The following TMCO5A variants were observed in gnomAD, a reference collection of about 807,000 sequenced individuals.
TMCO5A encodes transmembrane and coiled-coil domains 5A.
Under a neutral mutation model 42.3 loss-of-function variants are expected in TMCO5A, and 34 were observed. The ratio of observed to expected loss-of-function variants is 0.80; its 90% CI spans 0.61 to 1.07. TMCO5A has a LOEUF of 1.07. Among genes scored for constraint, TMCO5A ranks in the 50% least tolerant of loss-of-function variants. TMCO5A has a pLI of 0.00. For synonymous variants in TMCO5A, 131 were observed against 115.6 expected (o/e 1.13, Z -0.86); for missense variants, 357 against 327.9 (o/e 1.09, Z -0.69).
At chr15:37,990,940 C>T in the TMCO5A span, among the ~76,000 whole-genome samples, 1 of 152,148 alleles carries the variant, frequency 6.6e-6, no homozygotes, top group East Asian at 1.9e-4. Flanking sequence ...AGTTATTGAT[C>T]ACAAATTACG....
the TMCO5A span, among the ~76,000 whole-genome samples, chr15:38,003,663 T>C: frequency 6.6e-6 from 1 of 151,898 alleles, no homozygotes; most frequent in Non-Finnish European, 1.5e-5. Context: ...GATGAGTCTC[T>C]CCCCATGGTC....
chr15:37,977,138 T>C, the TMCO5A span, among the ~76,000 whole-genome samples: 4 of 152,220 alleles, frequency 2.6e-5, no homozygotes, highest in African/African-American at 9.7e-5. Flanking sequence ...TTCCTTAGAT[T>C]CCTCGGATTG....
chr15:37,945,661 A>AG (rs1889922416), intron 10 of TMCO5A, among the ~76,000 whole-genome samples: 1 of 152,024 alleles, frequency 6.6e-6, no homozygotes, highest in East Asian at 1.9e-4. Flanking sequence ...TGTTGGCTGT[A>AG]TGTATGTCTT....
At chr15:38,039,797 C>G in the TMCO5A span, among the ~76,000 whole-genome samples, 1 of 152,226 alleles carries the variant, frequency 6.6e-6, no homozygotes, top group Non-Finnish European at 1.5e-5. Context: ...TTGCCACAAA[C>G]TTAGCTACAC....
At chr15:38,012,032 G>A in the TMCO5A span, among the ~76,000 whole-genome samples, 4 of 152,116 alleles carry the variant, frequency 2.6e-5, no homozygotes, top group Non-Finnish European at 5.9e-5. Context: ...GCTGAAGGAG[G>A]AGAATGGCAT....
chr15:37,938,892 TGA>T (rs1031055404), intron 6 of TMCO5A, among the ~76,000 whole-genome samples: 1 of 151,812 alleles, frequency 6.6e-6, no homozygotes, highest in Admixed American at 6.6e-5. Flanking sequence ...ACCTATCTGA[TGA>T]GAGAGAGAGA....
chr15:37,986,380 G>GGTGTGTGT, the TMCO5A span, among the ~76,000 whole-genome samples: 2,192 of 139,236 alleles, frequency 0.016, 32 homozygotes, highest in African/African-American at 0.034. Context: ...GGTAAGGGAT[G>GGTGTGTGT]GTGTGTGTGT....
At chr15:37,943,486 C>T (rs1889826933) in intron 10 of TMCO5A, 88 bp downstream of exon 10, 1 of 1,288,336 alleles carries the variant, frequency 7.8e-7, no homozygotes, top group African/African-American at 1.5e-5. Flanking sequence ...CAAATATATA[C>T]CCAATCTTGC....
At chr15:38,040,329 A>C in the TMCO5A span, 3 of 152,218 alleles carry the variant, frequency 2.0e-5, no homozygotes. Context: ...TGAGGGCTCC[A>C]CAGACACTGA....
At chr15:37,955,673 T>C (rs1262252260), downstream of TMCO5A, among the ~76,000 whole-genome samples, 1 of 152,096 alleles carries the variant, frequency 6.6e-6, no homozygotes, top group Non-Finnish European at 1.5e-5. Flanking sequence ...ACTGTCAATA[T>C]TAGATGGATC....
chr15:37,950,107 T>C (rs1272165846), intron 11 of TMCO5A, among the ~76,000 whole-genome samples: 4 of 152,190 alleles, frequency 2.6e-5, no homozygotes, highest in African/African-American at 9.6e-5. Flanking sequence ...TGGTGTAATC[T>C]AGGAAGCTGC....
chr15:37,978,521 C>A, the TMCO5A span, among the ~76,000 whole-genome samples: 1 of 152,138 alleles, frequency 6.6e-6, no homozygotes, highest in Non-Finnish European at 1.5e-5. Context: ...CATAGGGTGG[C>A]TATGACATGC....
chr15:37,964,271 T>G (rs1232402015), intron 11 of TMCO5A, among the ~76,000 whole-genome samples: 1 of 152,134 alleles, frequency 6.6e-6, no homozygotes, highest in East Asian at 1.9e-4. Flanking sequence ...TTGCCTCTCT[T>G]CTGGGTTTAG....
chr15:38,019,508 GAGTTGAA>G, the TMCO5A span, among the ~76,000 whole-genome samples: 1 of 152,084 alleles, frequency 6.6e-6, no homozygotes, highest in Admixed American at 6.6e-5. Context: ...TAACAAAATT[GAGTTGAA>G]AGTACAGAGA....
chr15:37,974,883 A>C, the TMCO5A span, among the ~76,000 whole-genome samples: 1 of 152,174 alleles, frequency 6.6e-6, no homozygotes, highest in Non-Finnish European at 1.5e-5. Flanking sequence ...ATTTAATGCT[A>C]TAAATTTTTC....
In TMCO5A at chr15:37,941,057, C is replaced by T. The variant is rs1474447723; in HGVS notation, c.388-92C>T. On this transcript the variant is annotated intron_variant, in intron 6 of 11. Transcript: ENST00000319669. ...CGTGTGAAGTCATGGCCCTGAGGCT[C>T]CTCACAGCTCGTGAGGCCACCTTGG... 4 of 1,194,698 alleles carry T rather than the reference C, an allele frequency of 3.3e-6. No homozygotes were observed. The East Asian group carries it at 7.1e-5, about 21-fold the overall frequency. The allele number at this position is 1,194,698 out of a possible 1,614,324, so 74.0% of individuals were successfully genotyped here.
chr15:38,033,052 C>T, the TMCO5A span, among the ~76,000 whole-genome samples: 2 of 151,880 alleles, frequency 1.3e-5, no homozygotes, highest in Admixed American at 1.3e-4. Context: ...CTCAGCCTCC[C>T]GAGTAGCTGG....
At chr15:38,018,651 G>GA in the TMCO5A span, among the ~76,000 whole-genome samples, 1 of 151,000 alleles carries the variant, frequency 6.6e-6, no homozygotes, top group African/African-American at 2.4e-5. Flanking sequence ...GATGAAGAAC[G>GA]AAAAAAATAG....
At chr15:38,025,601 GT>G in the TMCO5A span, among the ~76,000 whole-genome samples, 2 of 152,076 alleles carry the variant, frequency 1.3e-5, no homozygotes, top group African/African-American at 2.4e-5. Flanking sequence ...TAAAATACAT[GT>G]TTTTTTGAAA....
Sources: gnomAD v4.1 joint callset for allele counts (sites outside exome capture counted in the v4.1 genomes callset) on GRCh38, gnomAD v4.1.1 for gene constraint, MANE v1.5 for transcripts, NCBI Gene and HGNC (gene_info 2026-07-23, HGNC 2026-07-21) for gene names.